The following SRCIN1 variants were observed in gnomAD, a reference collection of about 807,000 sequenced individuals.
The protein encoded by SRCIN1 is SRC kinase signaling inhibitor 1.
In SRCIN1, 50 loss-of-function variants were observed where a neutral mutation model predicts 116.2. The observed-to-expected ratio is 0.43, with a 90% CI of 0.34 to 0.54. SRCIN1 has a LOEUF of 0.54. Among genes scored for constraint, SRCIN1 ranks in the 20% least tolerant of loss-of-function variants. SRCIN1 has a pLI of 0.02. For synonymous variants in SRCIN1, 736 were observed against 750.0 expected (o/e 0.98, Z 0.30); for missense variants, 1,446 against 1,672.0 (o/e 0.86, Z 2.36).
intron 1 of SRCIN1, among the ~76,000 whole-genome samples, chr17:38,584,472 T>A (rs1394479050): frequency 6.6e-6 from 1 of 152,160 alleles, no homozygotes; most frequent in Admixed American, 6.5e-5. Flanking sequence ...CTGCCCCGCC[T>A]GGGAAACGCG....
chr17:38,569,426 G>C (rs1005466664), intron 2 of SRCIN1, among the ~76,000 whole-genome samples: 32 of 152,316 alleles, frequency 2.1e-4, no homozygotes, highest in East Asian at 1.2e-3. Context: ...GACATCGAAG[G>C]CGCCCCTGGG....
At chr17:38,582,000 C>G (rs1907850975) in intron 1 of SRCIN1, among the ~76,000 whole-genome samples, 1 of 152,158 alleles carries the variant, frequency 6.6e-6, no homozygotes, top group Non-Finnish European at 1.5e-5. Flanking sequence ...TTTCCTTTGC[C>G]CAGGCCTTGT....
chr17:38,571,544 C>T (rs1238503568), intron 2 of SRCIN1, among the ~76,000 whole-genome samples: 1 of 152,128 alleles, frequency 6.6e-6, no homozygotes, highest in African/African-American at 2.4e-5. Context: ...GGCTGTCCAC[C>T]TCAAGCCAAA....
Position 38,561,616 on chromosome 17 carries a change from G to C in SRCIN1, c.1547C>G (p.Ser516Trp). Reference sequence around the variant, plus strand: ...TCCAGGACTCTCGGCAAAGACGGACGAGGAGCCCGAGTCCTTGCGGAAGGA... The same window carrying C: ...TCCAGGACTCTCGGCAAAGACGGACCAGGAGCCCGAGTCCTTGCGGAAGGA... ...RQSFRKDSGS[S>W]SVFAESPGGK... The change falls in exon 7 of 19, where the codon TCG becomes TGG. Residue 516 changes from serine (S) to tryptophan (W), a missense_variant. This residue lies in a region of SRCIN1 where 398 missense variants were observed against 385.6 expected (regional missense o/e 1.03). Transcript: ENST00000617146. The C allele has an allele frequency of 6.3e-7, 1 of 1,588,428 alleles. No homozygotes were observed.
intron 7 of SRCIN1, 43 bp downstream of exon 7, chr17:38,561,420 A>AC: frequency 2.8e-6 from 4 of 1,453,120 alleles, no homozygotes; most frequent in African/African-American, 1.5e-5. Context: ...TCCGCAGCGC[A>AC]CCCCCCACCC....
intron 2 of SRCIN1, among the ~76,000 whole-genome samples, chr17:38,569,005 C>T (rs1391548224): frequency 6.6e-6 from 1 of 152,000 alleles, no homozygotes; most frequent in Non-Finnish European, 1.5e-5. Context: ...ATCTAGTTTA[C>T]AGAGCAGAGT....
At chr17:38,599,677 G>C (rs567388532) in intron 1 of SRCIN1, among the ~76,000 whole-genome samples, 3 of 152,344 alleles carry the variant, frequency 2.0e-5, no homozygotes, top group Admixed American at 2.0e-4. Context: ...CAGAGATGGA[G>C]GCAGGGGGAG....
rs1349854968 is a variant in SRCIN1, at chr17:38,533,125, C to T, written c.*172G>A. 1 of 351,988 alleles carries T rather than the reference C, an allele frequency of 2.8e-6. No individual in the cohort carries two copies. Among genetic ancestry groups the T allele is most frequent in the African/African-American group, 2.7e-5 (1 of 37,354 alleles). 21.8% of individuals were successfully genotyped at this position (351,988 alleles called of 1,614,324 possible). On this transcript the variant is annotated 3_prime_UTR_variant, in exon 19 of 19. Coordinates refer to ENST00000617146, the MANE Select transcript of SRCIN1 (RefSeq NM_025248.3). ...AAAAAAAAAAAAACAAAACCAAAAA[C>T]ACCAACAGATGATGGGTAGGGGTCG...
intron 2 of SRCIN1, among the ~76,000 whole-genome samples, chr17:38,570,337 AGGTGC>A (rs1358923726): frequency 6.6e-6 from 1 of 152,200 alleles, no homozygotes; most frequent in Non-Finnish European, 1.5e-5. Context: ...AGAGGACAAG[AGGTGC>A]TGATGGCATT....
At chr17:38,545,795 A>AC (rs1407635175) in intron 17 of SRCIN1, among the ~76,000 whole-genome samples, 5 of 152,164 alleles carry the variant, frequency 3.3e-5, no homozygotes, top group African/African-American at 1.2e-4. Context: ...ATGACTCGAC[A>AC]CCAAGGTGGG....
At chr17:38,574,982 T>C (rs1298748829) in intron 2 of SRCIN1, 4 of 400,832 alleles carry the variant, frequency 1.0e-5, no homozygotes, top group East Asian at 7.1e-5. Flanking sequence ...AACCTGTGTG[T>C]GCGAAGCGGG....
Position 38,560,332 on chromosome 17 carries a change from C to T in SRCIN1, c.1793+1G>A. ...CAGTGGTGTTGGGAGAGGGGCCTCA[C>T]CTGGGGGTCTCAGGCTCAGAGCCTC... On this transcript the variant is annotated splice_donor_variant, in intron 8 of 18. Coordinates refer to ENST00000617146, the MANE Select transcript of SRCIN1 (RefSeq NM_025248.3). LOFTEE classifies it high-confidence loss of function. 1 of 1,607,230 alleles carries T rather than the reference C, an allele frequency of 6.2e-7. No homozygotes were observed. Among genetic ancestry groups the T allele is most frequent in the Non-Finnish European group, 8.5e-7 (1 of 1,176,870 alleles).
In SRCIN1 at chr17:38,568,728, G is replaced by A. The variant is rs975724397; in HGVS notation, c.325-497C>T. Among the ~76,000 whole-genome samples, 2 of 152,142 alleles carry A rather than the reference G, an allele frequency of 1.3e-5. No individual in the cohort carries two copies. Among genetic ancestry groups the A allele is most frequent in the Admixed American group, 1.3e-4 (2 of 15,278 alleles). ...GCAAGTCACTAGTCCACATTGGCTGGGGCGCAGCTGGGAAAGTAGCAGATT... is the reference window on the plus strand; with the variant it reads ...GCAAGTCACTAGTCCACATTGGCTGAGGCGCAGCTGGGAAAGTAGCAGATT... On this transcript the variant is annotated intron_variant, in intron 2 of 18. Coordinates refer to ENST00000617146, the MANE Select transcript of SRCIN1 (RefSeq NM_025248.3). This position sits in a 1 kb window ranked among gnomAD's most constrained non-coding sequence, Gnocchi z 4.5.
intron 18 of SRCIN1, chr17:38,543,000 C>T (rs78825898): frequency 0.01 from 4,619 of 444,630 alleles, 195 homozygotes; most frequent in African/African-American, 0.081. Flanking sequence ...CTAAATCAAA[C>T]GAGTGCACTA....
At chr17:38,537,871 G>A (rs762257105) in intron 18 of SRCIN1, among the ~76,000 whole-genome samples, 13 of 151,834 alleles carry the variant, frequency 8.6e-5, no homozygotes, top group Non-Finnish European at 1.3e-4. Flanking sequence ...GGAGGCTGAG[G>A]TGGGTGGATC....
chr17:38,533,941 G>C (rs376109001), intron 18 of SRCIN1, among the ~76,000 whole-genome samples: 1 of 151,896 alleles, frequency 6.6e-6, no homozygotes, highest in African/African-American at 2.4e-5. Flanking sequence ...ATCCTCCCAG[G>C]GGGGAATAAA....
intron 7 of SRCIN1, among the ~76,000 whole-genome samples, chr17:38,560,629 C>G (rs1188792296): frequency 6.6e-6 from 1 of 152,178 alleles, no homozygotes; most frequent in Non-Finnish European, 1.5e-5. Context: ...AAAGGCTGCA[C>G]GCTGATCTCT....
chr17:38,580,661 A>G (rs1907736929), intron 1 of SRCIN1, among the ~76,000 whole-genome samples: 1 of 152,128 alleles, frequency 6.6e-6, no homozygotes, highest in Admixed American at 6.5e-5. Flanking sequence ...ACAGCACCAC[A>G]TGGCATGTGT....
intron 17 of SRCIN1, chr17:38,548,028 C>T (rs1905171823): frequency 5.1e-6 from 1 of 196,384 alleles, no homozygotes; most frequent in African/African-American, 2.4e-5. Context: ...GCCATAGCCG[C>T]CAGCCCTCTC....
Sources: gnomAD v4.1 joint callset for allele counts (sites outside exome capture counted in the v4.1 genomes callset) on GRCh38, gnomAD v4.1.1 for gene constraint, gnomAD v4.1.1 regional missense constraint, Gnocchi (gnomAD v3.1) non-coding constraint, MANE v1.5 for transcripts, NCBI Gene and HGNC (gene_info 2026-07-23, HGNC 2026-07-21) for gene names.